The following SOCS7 variants were observed in gnomAD, a reference collection of about 807,000 sequenced individuals.
The protein encoded by SOCS7 is suppressor of cytokine signaling 7.
A neutral mutation model predicts 58.9 loss-of-function variants in SOCS7; 18 were observed. The ratio of observed to expected loss-of-function variants is 0.31; its 90% CI spans 0.21 to 0.45. The LOEUF (loss-of-function observed/expected upper bound fraction) is 0.45, where lower values mean the gene tolerates loss of function less well. SOCS7 is among the 20% of genes least tolerant of loss of function. The pLI, the probability that SOCS7 is intolerant of heterozygous loss-of-function variation, is 1.00. For synonymous variants in SOCS7, 388 were observed against 364.3 expected, an observed-to-expected ratio of 1.06 and a Z score of -0.74; for missense variants, 667 against 837.3, an observed-to-expected ratio of 0.80 and a Z score of 2.51.
rs1597776752 is a variant in SOCS7 at position 38,389,883 on chromosome 17, G to A, written c.1682-5426G>A. Among the ~76,000 whole-genome samples the A allele has an allele frequency of 1.2e-4, 11 of 88,042 alleles. 1 individual carries two copies. The highest frequency in any genetic ancestry group is 1.7e-4 in the African/African-American group (3 of 17,282). The allele number at this position is 88,042 out of a possible 152,430, so 57.8% of individuals were successfully genotyped here. A position where few individuals can be genotyped will look rare whatever the true frequency, so the allele number is the denominator to read the frequency against. ...TATGTGTGTACATATATATATATAT[G>A]TACATATATATATATACACATATAG... On this transcript the variant is annotated intron_variant, in intron 7 of 9. Coordinates refer to ENST00000612932, the MANE Select transcript of SOCS7 (RefSeq NM_014598.4).
intron 6 of SOCS7, among the ~76,000 whole-genome samples, chr17:38,369,956 A>AT (rs1170400357): frequency 1.3e-5 from 2 of 151,402 alleles, no homozygotes; most frequent in Admixed American, 6.6e-5. Flanking sequence ...TGCCCAGCTA[A>AT]TTTTTTTTGT....
rs558310564 is a variant in SOCS7 at position 38,403,785 on chromosome 17, C to G, written c.*4303C>G. On this transcript the variant is annotated 3_prime_UTR_variant, in exon 10 of 10. Coordinates refer to ENST00000612932, the MANE Select transcript of SOCS7 (RefSeq NM_014598.4). ...TAGACATTTTCCCTATGGGAATCCTCGGTTTGGTTTGTGGGAAAGGAGGGA... is the reference window on the plus strand; with the variant it reads ...TAGACATTTTCCCTATGGGAATCCTGGGTTTGGTTTGTGGGAAAGGAGGGA... 6.6e-6 allele frequency: 1 copy of G among 152,188 alleles called. No homozygotes were observed. Among genetic ancestry groups the G allele is most frequent in the East Asian group, 1.9e-4 (1 of 5,186 alleles). The allele number at this position is 152,188 out of a possible 1,614,324, so 9.4% of individuals were successfully genotyped here.
chr17:38,368,792 T>G (rs2037825017), intron 6 of SOCS7, among the ~76,000 whole-genome samples: 1 of 152,174 alleles, frequency 6.6e-6, no homozygotes, highest in African/African-American at 2.4e-5. Flanking sequence ...GTGTCTGAAT[T>G]TCTTTGTCTG....
At chr17:38,381,946 C>CAAAAAAAA (rs55949628) in intron 7 of SOCS7, among the ~76,000 whole-genome samples, 2 of 17,666 alleles carry the variant, frequency 1.1e-4, no homozygotes, top group African/African-American at 4.0e-4. Context: ...GACTCTGTCT[C>CAAAAAAAA]AAAAAAAAAA....
At position 38,353,107 on chromosome 17, in the gene SOCS7, A is replaced by G. The variant is rs956726857; in HGVS notation, c.980+75A>G. The G allele has an allele frequency of 1.7e-5, 23 of 1,349,320 alleles. No individual in the cohort carries two copies. The African/African-American group carries it at 2.9e-4, about 17-fold the overall frequency. The allele number at this position is 1,349,320 out of a possible 1,614,324, so 83.6% of individuals were successfully genotyped here. A position where few individuals can be genotyped will look rare whatever the true frequency, so the allele number is the denominator to read the frequency against. On this transcript the variant is annotated intron_variant, in intron 1 of 9. Coordinates refer to ENST00000612932, the MANE Select transcript of SOCS7 (RefSeq NM_014598.4). ...TCCCTTTTTATCTATTGCTATCGCG[A>G]TCCTGACAGTTCTTAAGATAGGGTC...
At chr17:38,386,783 C>T (rs2038073056) in intron 7 of SOCS7, among the ~76,000 whole-genome samples, 1 of 151,696 alleles carries the variant, frequency 6.6e-6, no homozygotes, top group African/African-American at 2.4e-5. Context: ...TGAAGGTGAC[C>T]ATTTGAAAAA....
intron 7 of SOCS7, among the ~76,000 whole-genome samples, chr17:38,388,611 A>T (rs533616500): frequency 6.6e-6 from 1 of 152,234 alleles, no homozygotes; most frequent in Non-Finnish European, 1.5e-5. Context: ...GAATGTTTTC[A>T]TCACACCAAA....
chr17:38,395,646 G>A (rs2038235282), intron 8 of SOCS7, among the ~76,000 whole-genome samples: 1 of 152,192 alleles, frequency 6.6e-6, no homozygotes, highest in African/African-American at 2.4e-5. Context: ...AGGTGTGTGT[G>A]TCAGCCTTCC....
Position 38,352,347 on chromosome 17 carries a change from C to A in SOCS7, c.295C>A (p.Leu99Met). ...GCTGTGTCCCCGGCACCGCTGTGCC[C>A]TGGACCCCAAGGCCCTGCCGCCGGG... ...ELLCPRHRCA[L>M]DPKALPPGLA... Residue 99 changes from leucine (L) to methionine (M), a missense_variant, in exon 1 of 10, where the codon CTG becomes ATG. Physicochemically the swap from Leu to Met is conservative, Grantham distance 15. Around this residue, in one of 9 missense-constraint regions of SOCS7, gnomAD observed 154 missense variants for 156.3 expected, o/e 0.98. Coordinates refer to ENST00000612932, the MANE Select transcript of SOCS7 (RefSeq NM_014598.4). The surrounding 1 kb of genome is among the most constrained non-coding windows in gnomAD (Gnocchi z 5.5). 1 of 1,474,796 alleles carries A rather than the reference C, an allele frequency of 6.8e-7. No homozygotes were observed. Among genetic ancestry groups the A allele is most frequent in the Non-Finnish European group, 8.9e-7 (1 of 1,124,638 alleles). The allele number at this position is 1,474,796 out of a possible 1,614,324, so 91.4% of individuals were successfully genotyped here.
chr17:38,386,050 C>T (rs899846346), intron 7 of SOCS7, among the ~76,000 whole-genome samples: 5 of 152,020 alleles, frequency 3.3e-5, no homozygotes, highest in South Asian at 2.1e-4. Context: ...CGAGGCCAGG[C>T]GCGGTGGCTC....
chr17:38,373,291 C>G (rs1484109596), intron 6 of SOCS7, among the ~76,000 whole-genome samples: 2 of 152,134 alleles, frequency 1.3e-5, no homozygotes, highest in Admixed American at 6.5e-5. Flanking sequence ...GTCAAGATAA[C>G]AGAAGACGTA....
At position 38,402,001 on chromosome 17, in the gene SOCS7, AC is replaced by A. The variant is rs2038325604; in HGVS notation, c.*2524del. The A allele has an allele frequency of 6.6e-6, 1 of 152,182 alleles. No individual in the cohort carries two copies. The highest frequency in any genetic ancestry group is 6.5e-5 in the Admixed American group (1 of 15,268). 9.4% of individuals were successfully genotyped at this position (152,182 alleles called of 1,614,324 possible). The stretch of plus-strand genomic sequence containing the variant: ...CATGTGAGGGAGGCAGAGCCTCTGC[AC>A]CCCCTGTGTTACTGGGGTTTCTTCT... On this transcript the variant is annotated 3_prime_UTR_variant, in exon 10 of 10. Transcript: ENST00000612932.
chr17:38,368,162 A>T, intron 6 of SOCS7, 112 bp downstream of exon 6: 1 of 941,178 alleles, frequency 1.1e-6, no homozygotes. Context: ...TAGGGGAAAA[A>T]TTATCTTAGA....
At chr17:38,382,942 G>T (rs1490475819) in intron 7 of SOCS7, among the ~76,000 whole-genome samples, 2 of 151,964 alleles carry the variant, frequency 1.3e-5, no homozygotes, top group East Asian at 3.9e-4. Context: ...TTGTTGTGGG[G>T]TCTGTCCCGT....
At chr17:38,389,890 TATATATATACAC>T (rs2038140796) in intron 7 of SOCS7, among the ~76,000 whole-genome samples, 2 of 91,884 alleles carry the variant, frequency 2.2e-5, no homozygotes, top group Non-Finnish European at 3.8e-5. Flanking sequence ...TATGTACATA[TATATATATACAC>T]ATATAGAGAG....
At chr17:38,387,959 A>T (rs2038102217) in intron 7 of SOCS7, among the ~76,000 whole-genome samples, 1 of 151,542 alleles carries the variant, frequency 6.6e-6, no homozygotes, top group African/African-American at 2.4e-5. Context: ...TTTAGTAGAG[A>T]CGGGATTTCG....
chr17:38,389,723 A>C (rs1460456511), intron 7 of SOCS7, among the ~76,000 whole-genome samples: 3 of 146,370 alleles, frequency 2.0e-5, no homozygotes, highest in Non-Finnish European at 3.0e-5. Flanking sequence ...TATATTTAGA[A>C]AAGTTTGCCT....
intron 7 of SOCS7, among the ~76,000 whole-genome samples, chr17:38,390,247 T>A (rs1400549865): frequency 6.6e-6 from 1 of 152,116 alleles, no homozygotes; most frequent in Non-Finnish European, 1.5e-5. Context: ...GAAGGTTAAT[T>A]TCCGGACTCA....
chr17:38,360,905 C>G lies in SOCS7; in HGVS notation c.981-806C>G, dbSNP rs41377149. ...TCTGAGGTGAGTTTTTTTGGTTTAA[C>G]ACACTTCTGGCCGTAATGTCTTTGT... On this transcript the variant is annotated intron_variant, in intron 1 of 9. Transcript: ENST00000612932. 6.5e-3 allele frequency among the ~76,000 whole-genome samples: 987 copies of G among 152,346 alleles called. 9 individuals are homozygous for G. Among genetic ancestry groups the G allele is most frequent in the African/African-American group, 0.022 (922 of 41,580 alleles).
Sources: allele counts gnomAD v4.1 joint callset (sites outside exome capture counted in the v4.1 genomes callset), GRCh38; gene constraint gnomAD v4.1.1; regional missense constraint gnomAD v4.1.1; non-coding constraint Gnocchi (gnomAD v3.1); transcripts MANE v1.5; gene names NCBI Gene and HGNC (gene_info 2026-07-23, HGNC 2026-07-21).